Variants in TENM4 observed in about 807,000 individuals in gnomAD.
TENM4 encodes the protein teneurin transmembrane protein 4, also known as teneurin-4.
A neutral mutation model predicts 243.3 loss-of-function variants in TENM4; 82 were observed. The ratio of observed to expected loss-of-function variants is 0.34; its 90% CI spans 0.28 to 0.40. The LOEUF (loss-of-function observed/expected upper bound fraction) is 0.40, where lower values mean the gene tolerates loss of function less well. Among genes scored for constraint, TENM4 ranks in the 10% least tolerant of loss-of-function variants. TENM4 has a pLI of 1.00. For synonymous variants in TENM4, 1,412 were observed against 1,456.3 expected, an observed-to-expected ratio of 0.97 and a Z score of 0.69; for missense variants, 3,138 against 3,673.3, an observed-to-expected ratio of 0.85 and a Z score of 3.77.
intron 22 of TENM4, 146 bp downstream of exon 22, chr11:78,729,230 G>A (rs1855594289): frequency 3.5e-6 from 3 of 858,762 alleles, no homozygotes; most frequent in Non-Finnish European, 3.5e-6. Context: ...TTTAGGTCCT[G>A]GCCAGTCACG....
At chr11:78,919,987 C>G (rs1856413107) in intron 6 of TENM4, among the ~76,000 whole-genome samples, 1 of 152,172 alleles carries the variant, frequency 6.6e-6, no homozygotes, top group African/African-American at 2.4e-5. Context: ...AGCTAGCACA[C>G]TAACTCGTAT....
At chr11:78,936,467 T>C (rs912189770) in intron 6 of TENM4, among the ~76,000 whole-genome samples, 2 of 152,246 alleles carry the variant, frequency 1.3e-5, no homozygotes, top group Admixed American at 6.5e-5. Flanking sequence ...GCTGTGTGCA[T>C]GTACCTGTGT....
chr11:78,969,298 A>G (rs573550597), intron 6 of TENM4, among the ~76,000 whole-genome samples: 3 of 152,384 alleles, frequency 2.0e-5, no homozygotes, highest in Admixed American at 6.5e-5. Context: ...GTCCTAATAC[A>G]TAAAGAGAAC....
chr11:78,690,871 C>A (rs995759656), intron 28 of TENM4, among the ~76,000 whole-genome samples: 2 of 152,198 alleles, frequency 1.3e-5, no homozygotes, highest in Admixed American at 6.5e-5. Flanking sequence ...AATCCCTGTA[C>A]ATACTCTTTA....
intron 2 of TENM4, among the ~76,000 whole-genome samples, chr11:79,217,056 C>T (rs4468379): frequency 6.6e-6 from 1 of 152,236 alleles, no homozygotes; most frequent in African/African-American, 2.4e-5. Flanking sequence ...CTGGGGGACA[C>T]GTGAGGTCCT....
At chr11:79,411,082 AG>A (rs1202585988) in intron 1 of TENM4, among the ~76,000 whole-genome samples, 1 of 152,168 alleles carries the variant, frequency 6.6e-6, no homozygotes, top group African/African-American at 2.4e-5. Context: ...CCTTCTATCC[AG>A]GCTACTTGGC....
intron 1 of TENM4, among the ~76,000 whole-genome samples, chr11:79,374,586 T>C (rs1857853735): frequency 6.6e-6 from 1 of 151,752 alleles, no homozygotes. Context: ...ACATAAACCT[T>C]GGATTATATC....
intron 2 of TENM4, among the ~76,000 whole-genome samples, chr11:79,295,150 C>T (rs59305595): frequency 0.017 from 2,574 of 152,284 alleles, 83 homozygotes; most frequent in African/African-American, 0.059. Flanking sequence ...AACGCACAAA[C>T]CCAGTCCTGT....
intron 2 of TENM4, among the ~76,000 whole-genome samples, chr11:79,258,169 A>C (rs1231430609): frequency 2.0e-5 from 3 of 152,130 alleles, no homozygotes; most frequent in Non-Finnish European, 4.4e-5. Context: ...GAGTCAGATA[A>C]ATAGGCCTCT....
chr11:79,170,521 C>T (rs1591330535), intron 3 of TENM4, among the ~76,000 whole-genome samples: 1 of 152,126 alleles, frequency 6.6e-6, no homozygotes, highest in African/African-American at 2.4e-5. Flanking sequence ...AGGGCAGGCC[C>T]CTAATCCAAT....
chr11:78,795,850 A>G (rs1297590507), intron 15 of TENM4, among the ~76,000 whole-genome samples: 2 of 152,174 alleles, frequency 1.3e-5, no homozygotes, highest in Non-Finnish European at 2.9e-5. Context: ...GGAAGAAGCC[A>G]GAAGGGGAAG....
In TENM4 at chr11:78,805,277, T is replaced by TGCCCCCCCCCCA; in HGVS notation, c.2179+14_2179+15insTGGGGGGGGGGC. Reference sequence around the variant, plus strand: ...CCCCTCCCTCTACCCATGCTTCTTCTCCCCCTGCATTTACCGATAGAACAG... The same window carrying TGCCCCCCCCCCA: ...CCCCTCCCTCTACCCATGCTTCTTCTGCCCCCCCCCCACCCCCTGCATTTACCGATAGAACAG... On this transcript the variant is annotated intron_variant, in intron 15 of 33. Transcript: ENST00000278550. 7.1e-7 allele frequency: 1 copy of TGCCCCCCCCCCA among 1,402,548 alleles called. No individual in the cohort carries two copies. Among genetic ancestry groups the TGCCCCCCCCCCA allele is most frequent in the Non-Finnish European group, 9.7e-7 (1 of 1,033,114 alleles). The allele number at this position is 1,402,548 out of a possible 1,614,324, so 86.9% of individuals were successfully genotyped here.
chr11:78,845,313 G>A (rs572292130), intron 12 of TENM4, among the ~76,000 whole-genome samples: 2 of 152,362 alleles, frequency 1.3e-5, no homozygotes, highest in South Asian at 4.1e-4. Flanking sequence ...CAAATCCTAT[G>A]CTTTCACATC....
chr11:78,994,509 C>A (rs898365695), intron 6 of TENM4, among the ~76,000 whole-genome samples: 5 of 152,232 alleles, frequency 3.3e-5, no homozygotes, highest in Non-Finnish European at 1.5e-5. Context: ...GCTGGAACGA[C>A]CATGTAACTT....
In TENM4 at chr11:79,330,858, C is replaced by T. The variant is rs867699951; in HGVS notation, c.-320-33315G>A. Among the ~76,000 whole-genome samples, 3 of 152,208 alleles carry T rather than the reference C, an allele frequency of 2.0e-5. No individual in the cohort carries two copies. The South Asian group carries it at 6.2e-4, about 32-fold the overall frequency. ...TCTCAGCGCCTGGGGCCACCGCAGACAAGGCCAAGGGCTGGCCAGTTTCTG... is the reference window on the plus strand; with the variant it reads ...TCTCAGCGCCTGGGGCCACCGCAGATAAGGCCAAGGGCTGGCCAGTTTCTG... On this transcript the variant is annotated intron_variant, in intron 1 of 33. Transcript: ENST00000278550.
intron 24 of TENM4, 59 bp from the exon 25 acceptor site, chr11:78,720,449 T>A: frequency 6.3e-7 from 1 of 1,592,874 alleles, no homozygotes; most frequent in Non-Finnish European, 8.6e-7. Flanking sequence ...GCAGCAGGGT[T>A]AGAAGCATTA....
chr11:79,126,982 A>G (rs751323254), intron 4 of TENM4, among the ~76,000 whole-genome samples: 9 of 152,226 alleles, frequency 5.9e-5, no homozygotes, highest in Non-Finnish European at 8.8e-5. Flanking sequence ...TCCTCCAGTT[A>G]AAGTAGGCGC....
intron 1 of TENM4, among the ~76,000 whole-genome samples, chr11:79,423,885 C>G (rs10501443): frequency 2.0e-5 from 3 of 151,966 alleles, no homozygotes; most frequent in African/African-American, 7.3e-5. Flanking sequence ...TCCTTCAAGT[C>G]GACGTCAAAT....
chr11:79,230,709 C>T (rs1864357933), intron 2 of TENM4, among the ~76,000 whole-genome samples: 1 of 152,198 alleles, frequency 6.6e-6, no homozygotes, highest in Non-Finnish European at 1.5e-5. Context: ...CAGCAAGTAT[C>T]CCAGGCCTCA....
Sources: gnomAD v4.1 joint callset for allele counts (sites outside exome capture counted in the v4.1 genomes callset) on GRCh38, gnomAD v4.1.1 for gene constraint, MANE v1.5 for transcripts, NCBI Gene and HGNC (gene_info 2026-07-23, HGNC 2026-07-21) for gene names.